Variants in RTN4 observed in about 807,000 individuals in gnomAD.
The protein encoded by RTN4 is reticulon-4.
In RTN4, 32 loss-of-function variants were observed where a neutral mutation model predicts 90.4. The ratio of observed to expected loss-of-function variants is 0.35; its 90% CI spans 0.27 to 0.48. The LOEUF is 0.48. Among genes scored for constraint, RTN4 ranks in the 20% least tolerant of loss-of-function variants. The pLI is 0.99. For missense variants in RTN4, 1,706 were observed against 1,430.2 expected (o/e 1.19, Z -3.11); for synonymous variants, 629 against 552.5 (o/e 1.14, Z -1.94).
intron 3 of RTN4, among the ~76,000 whole-genome samples, chr2:55,020,729 G>A (rs1175626198): frequency 6.6e-6 from 1 of 152,166 alleles, no homozygotes; most frequent in Non-Finnish European, 1.5e-5. Context: ...ACAAGAACAG[G>A]AAAGTCCTGG....
At chr2:55,083,646 A>G (rs986271843) in intron 1 of RTN4, among the ~76,000 whole-genome samples, 5 of 152,244 alleles carry the variant, frequency 3.3e-5, no homozygotes, top group Admixed American at 6.5e-5. Flanking sequence ...ATACAAAATT[A>G]AGGGAAACTA....
intron 3 of RTN4, among the ~76,000 whole-genome samples, chr2:54,999,529 C>T (rs1326816132): frequency 1.3e-5 from 2 of 152,068 alleles, no homozygotes; most frequent in Admixed American, 6.6e-5. Flanking sequence ...GAATGGCTGG[C>T]AGAAAAATAC....
At chr2:55,030,879 C>A (rs142587771) in intron 1 of RTN4, among the ~76,000 whole-genome samples, 14 of 152,212 alleles carry the variant, frequency 9.2e-5, no homozygotes, top group Admixed American at 8.5e-4. Context: ...CAGTAAATAC[C>A]TTGTAATTAG....
chr2:55,093,769 C>G (rs1668983696), intron 1 of RTN4, among the ~76,000 whole-genome samples: 2 of 152,174 alleles, frequency 1.3e-5, no homozygotes, highest in South Asian at 4.1e-4. Flanking sequence ...GGAAGGCAGT[C>G]TGAGGGCCCC....
intron 1 of RTN4, among the ~76,000 whole-genome samples, chr2:55,095,314 A>G (rs536961102): frequency 3.8e-4 from 57 of 151,726 alleles, no homozygotes; most frequent in African/African-American, 1.3e-3. Flanking sequence ...ACAGAGTGAG[A>G]TCCTGTCTCA....
At chr2:55,060,137 A>G (rs1668264393) in intron 2 of RTN4, among the ~76,000 whole-genome samples, 1 of 152,208 alleles carries the variant, frequency 6.6e-6, no homozygotes, top group Admixed American at 6.5e-5. Context: ...GGAGAAAAAA[A>G]TAGATTGGAT....
chr2:54,979,095 C>T (rs1030646536), intron 5 of RTN4, among the ~76,000 whole-genome samples: 5 of 151,294 alleles, frequency 3.3e-5, no homozygotes, highest in Non-Finnish European at 2.9e-5. Context: ...ACTCTGTTGC[C>T]GTGGCTGGAA....
At chr2:55,090,684 A>G (rs1668920335) in intron 1 of RTN4, among the ~76,000 whole-genome samples, 1 of 152,144 alleles carries the variant, frequency 6.6e-6, no homozygotes, top group Admixed American at 6.5e-5. Flanking sequence ...ATGGTTCCCA[A>G]AGACCTGTCT....
chr2:55,100,759 T>C (rs1017474566), intron 1 of RTN4, among the ~76,000 whole-genome samples: 7 of 152,170 alleles, frequency 4.6e-5, no homozygotes, highest in African/African-American at 1.7e-4. Context: ...ATGCCAAGTT[T>C]TCCACAGCTC....
At chr2:55,134,954 G>C in the RTN4 span, among the ~76,000 whole-genome samples, 1 of 152,164 alleles carries the variant, frequency 6.6e-6, no homozygotes, top group African/African-American at 2.4e-5. Context: ...TGAGTCGGAA[G>C]TGAGCTGGGC....
chr2:55,014,655 TACAGGTGCGTGCC>T (rs1241918418), intron 3 of RTN4: 2 of 152,320 alleles, frequency 1.3e-5, no homozygotes, highest in Non-Finnish European at 2.9e-5. Flanking sequence ...TGGCTGGGAC[TACAGGTGCGTGCC>T]ACCAAGCCCA....
the RTN4 span, among the ~76,000 whole-genome samples, chr2:55,135,206 T>C: frequency 1.0e-4 from 11 of 110,050 alleles, no homozygotes; most frequent in Non-Finnish European, 1.9e-4. Flanking sequence ...TTTGTTTTTT[T>C]GGTTTTTTTT....
chr2:54,992,028 T>C (rs926890277), intron 3 of RTN4, among the ~76,000 whole-genome samples: 1 of 152,198 alleles, frequency 6.6e-6, no homozygotes, highest in African/African-American at 2.4e-5. Context: ...ACATTATCTC[T>C]TTCAATTATT....
chr2:55,030,898 T>C (rs188744027), intron 1 of RTN4, among the ~76,000 whole-genome samples: 47 of 152,294 alleles, frequency 3.1e-4, no homozygotes, highest in Admixed American at 1.4e-3. Flanking sequence ...AGCAGAAATA[T>C]TGCATTGATC....
chr2:55,101,029 A>G (rs1667843702), intron 1 of RTN4, among the ~76,000 whole-genome samples: 1 of 152,136 alleles, frequency 6.6e-6, no homozygotes, highest in African/African-American at 2.4e-5. Context: ...AATAGAAACT[A>G]TTAAGCCACT....
chr2:55,120,763 G>A, the RTN4 span, among the ~76,000 whole-genome samples: 4 of 152,088 alleles, frequency 2.6e-5, no homozygotes, highest in Admixed American at 1.3e-4. Flanking sequence ...GCTCGGGCGG[G>A]CTGTGTGGGA....
At chr2:55,032,751 G>C (rs1261505889) in intron 1 of RTN4, among the ~76,000 whole-genome samples, 1 of 152,094 alleles carries the variant, frequency 6.6e-6, no homozygotes, top group Non-Finnish European at 1.5e-5. Context: ...ACAGTGGCCA[G>C]GCATGGGAGC....
At chr2:55,077,778 C>T (rs1221849123) in intron 2 of RTN4, among the ~76,000 whole-genome samples, 1 of 151,836 alleles carries the variant, frequency 6.6e-6, no homozygotes, top group African/African-American at 2.4e-5. Context: ...CACACACACA[C>T]ACACACACAC....
chr2:55,137,487 A>T, the RTN4 span, among the ~76,000 whole-genome samples: 19,007 of 152,122 alleles, frequency 0.12, 2,292 homozygotes, highest in African/African-American at 0.31. Flanking sequence ...GAGCGTTCGG[A>T]AGCAGACTGT....
Sources: gnomAD v4.1 joint callset for allele counts (sites outside exome capture counted in the v4.1 genomes callset) on GRCh38, gnomAD v4.1.1 for gene constraint, MANE v1.5 for transcripts, NCBI Gene and HGNC (gene_info 2026-07-23, HGNC 2026-07-21) for gene names.